The following RBFOX1 variants were observed in gnomAD, a reference collection of about 807,000 sequenced individuals.
RBFOX1 encodes RNA binding fox-1 homolog 1, also known as RNA binding protein fox-1 homolog 1.
RBFOX1 carries 8 observed loss-of-function variants against 57.7 expected under a neutral mutation model. The ratio of observed to expected loss-of-function variants is 0.14; its 90% CI spans 0.08 to 0.25. The LOEUF (loss-of-function observed/expected upper bound fraction) is 0.25. Among genes scored for constraint, RBFOX1 ranks in the 10% least tolerant of loss-of-function variants. The probability of loss-of-function intolerance (pLI) is 1.00; values close to 1 mark genes in which losing one functional copy is unlikely to be tolerated. For synonymous variants in RBFOX1, 326 were observed against 222.4 expected (o/e 1.47, Z -4.15); for missense variants, 611 against 548.5 (o/e 1.11, Z -1.14).
At chr16:5,274,169 C>T (rs1378227635) in intron 1 of RBFOX1, among the ~76,000 whole-genome samples, 3 of 152,158 alleles carry the variant, frequency 2.0e-5, no homozygotes, top group Non-Finnish European at 4.4e-5. Context: ...GCCTTGTGTT[C>T]TTCCTAATTT....
intron 2 of RBFOX1, among the ~76,000 whole-genome samples, chr16:5,501,414 G>C (rs1002449020): frequency 1.3e-5 from 2 of 150,730 alleles, no homozygotes; most frequent in African/African-American, 2.5e-5. Flanking sequence ...ATGAATAGCA[G>C]ACAAACTATG....
intron 11 of RBFOX1, among the ~76,000 whole-genome samples, chr16:7,648,891 T>C (rs1346531676): frequency 1.3e-5 from 2 of 152,338 alleles, no homozygotes; most frequent in Admixed American, 6.5e-5. Context: ...CCTTGCTTGA[T>C]TGAAATCATA....
At chr16:5,375,027 C>T (rs2065949129) in intron 1 of RBFOX1, among the ~76,000 whole-genome samples, 1 of 133,308 alleles carries the variant, frequency 7.5e-6, no homozygotes, top group Non-Finnish European at 1.5e-5. Flanking sequence ...ACCATTGTGC[C>T]AGACACAGGC....
chr16:6,506,457 A>G (rs1380970479), intron 2 of RBFOX1, among the ~76,000 whole-genome samples: 3 of 151,974 alleles, frequency 2.0e-5, no homozygotes, highest in Non-Finnish European at 1.5e-5. Flanking sequence ...AAAGGCAGTG[A>G]GAAAGAAGGC....
intron 2 of RBFOX1, among the ~76,000 whole-genome samples, chr16:5,577,574 C>G (rs2046507624): frequency 6.6e-6 from 1 of 152,184 alleles, no homozygotes; most frequent in Admixed American, 6.5e-5. Flanking sequence ...ATGTGCCCCA[C>G]AAATGATTTT....
At chr16:7,387,906 C>G (rs532062807) in intron 4 of RBFOX1, among the ~76,000 whole-genome samples, 39 of 152,248 alleles carry the variant, frequency 2.6e-4, no homozygotes, top group African/African-American at 8.4e-4. Flanking sequence ...CTTTGATTTT[C>G]CACTTTCGCC....
At chr16:7,480,402 C>G (rs1296253513) in intron 4 of RBFOX1, among the ~76,000 whole-genome samples, 2 of 152,184 alleles carry the variant, frequency 1.3e-5, no homozygotes, top group African/African-American at 4.8e-5. Flanking sequence ...TATATAGTAG[C>G]TGCTCAGAAA....
At chr16:6,668,820 A>ATTC (rs58943987) in intron 3 of RBFOX1, among the ~76,000 whole-genome samples, 149,417 of 152,250 alleles carry the variant, frequency 0.98, 73,367 homozygotes, top group Middle Eastern at 1. Context: ...AAGCAAGTCT[A>ATTC]TTTTGTGTAA....
chr16:7,291,506 T>G (rs934708041), intron 4 of RBFOX1, among the ~76,000 whole-genome samples: 1 of 152,136 alleles, frequency 6.6e-6, no homozygotes, highest in African/African-American at 2.4e-5. Context: ...TGGGAACCAA[T>G]TGACTATTCA....
At chr16:7,504,740 T>TATATATATATATATATTA in intron 4 of RBFOX1, among the ~76,000 whole-genome samples, 1 of 12,996 alleles carries the variant, frequency 7.7e-5, no homozygotes, top group South Asian at 3.7e-3. Context: ...TATATATATA[T>TATATATATATATATATTA]ATATATATAT....
chr16:5,321,758 G>A (rs2064415014), intron 1 of RBFOX1, among the ~76,000 whole-genome samples: 1 of 152,116 alleles, frequency 6.6e-6, no homozygotes, highest in Non-Finnish European at 1.5e-5. Context: ...TGGAAACCTG[G>A]ATTGCTGGCA....
upstream of RBFOX1, among the ~76,000 whole-genome samples, chr16:6,016,055 C>G (rs1488432326): frequency 6.6e-6 from 1 of 152,194 alleles, no homozygotes; most frequent in African/African-American, 2.4e-5. Context: ...AGACAGCAAT[C>G]TACTGCAGGA....
At chr16:6,370,226 C>A (rs867278746) in intron 2 of RBFOX1, among the ~76,000 whole-genome samples, 3 of 151,434 alleles carry the variant, frequency 2.0e-5, no homozygotes, top group Non-Finnish European at 4.4e-5. Context: ...GGCGGGGTGG[C>A]GGGCGGCTGT....
intron 1 of RBFOX1, among the ~76,000 whole-genome samples, chr16:6,066,570 A>T (rs953356103): frequency 1.3e-5 from 2 of 152,148 alleles, no homozygotes; most frequent in East Asian, 3.9e-4. Context: ...TAAATACATT[A>T]TCTGGAAAAA....
chr16:5,309,602 C>A (rs988252502), intron 1 of RBFOX1, among the ~76,000 whole-genome samples: 1 of 152,024 alleles, frequency 6.6e-6, no homozygotes, highest in East Asian at 1.9e-4. Context: ...TTAAGTGTAA[C>A]CATCACGTGA....
intron 1 of RBFOX1, among the ~76,000 whole-genome samples, chr16:5,388,141 A>G (rs1226870276): frequency 1.3e-5 from 2 of 152,152 alleles, no homozygotes; most frequent in African/African-American, 4.8e-5. Context: ...GAAATGTAAG[A>G]TAGTACATTT....
At chr16:7,432,143 G>C (rs751495833) in intron 4 of RBFOX1, among the ~76,000 whole-genome samples, 9 of 152,202 alleles carry the variant, frequency 5.9e-5, no homozygotes, top group Non-Finnish European at 1.0e-4. Flanking sequence ...CTCATTGTCA[G>C]GTCAGCAGGG....
At chr16:6,722,528 C>CCTAAA (rs57056506) in intron 3 of RBFOX1, among the ~76,000 whole-genome samples, 141,721 of 152,074 alleles carry the variant, frequency 0.93, 66,917 homozygotes, top group East Asian at 1. Flanking sequence ...GGCATTTTGC[C>CCTAAA]AAGTCATTTT....
chr16:7,447,768 A>T (rs966348882), intron 4 of RBFOX1, among the ~76,000 whole-genome samples: 5 of 152,196 alleles, frequency 3.3e-5, no homozygotes, highest in Non-Finnish European at 7.3e-5. Flanking sequence ...AGTGAGAGCT[A>T]AATGCATTTG....
Sources: allele counts gnomAD v4.1 joint callset (sites outside exome capture counted in the v4.1 genomes callset), GRCh38; gene constraint gnomAD v4.1.1; transcripts MANE v1.5; gene names NCBI Gene and HGNC (gene_info 2026-07-23, HGNC 2026-07-21).